The following PGBD5 variants were observed in gnomAD, a reference collection of about 807,000 sequenced individuals.
PGBD5 encodes the protein piggyBac transposable element derived 5.
Under a neutral mutation model 47.9 loss-of-function variants are expected in PGBD5, and 14 were observed. The ratio of observed to expected loss-of-function variants is 0.29; its 90% CI spans 0.19 to 0.46. The LOEUF (loss-of-function observed/expected upper bound fraction) is 0.46. Among genes scored for constraint, PGBD5 ranks in the 20% least tolerant of loss-of-function variants. The pLI is 1.00. For synonymous variants in PGBD5, 316 were observed against 306.3 expected (o/e 1.03, Z -0.33); for missense variants, 635 against 716.0 (o/e 0.89, Z 1.29).
intron 1 of PGBD5, among the ~76,000 whole-genome samples, chr1:230,417,754 C>T (rs1215926344): frequency 2.0e-5 from 3 of 152,230 alleles, no homozygotes; most frequent in African/African-American, 7.2e-5. Context: ...ACAGCATTCA[C>T]CAGAGACACT....
At chr1:230,414,522 T>C (rs146692080) in intron 1 of PGBD5, among the ~76,000 whole-genome samples, 44 of 152,344 alleles carry the variant, frequency 2.9e-4, no homozygotes, top group African/African-American at 1.0e-3. Context: ...ACCCTTGCTA[T>C]TATTTACCTG....
intron 1 of PGBD5, chr1:230,367,859 A>G: frequency 7.9e-7 from 1 of 1,262,120 alleles, no homozygotes. Flanking sequence ...CATTCTCGCA[A>G]CAGCCAAGCA....
intron 1 of PGBD5, among the ~76,000 whole-genome samples, chr1:230,408,737 C>T (rs1342738520): frequency 2.6e-5 from 4 of 152,044 alleles, no homozygotes; most frequent in Non-Finnish European, 5.9e-5. Flanking sequence ...TAAATGCAAG[C>T]ATAAAATGAT....
intron 2 of PGBD5, among the ~76,000 whole-genome samples, chr1:230,353,277 T>A (rs1326460910): frequency 6.6e-6 from 1 of 152,174 alleles, no homozygotes; most frequent in Non-Finnish European, 1.5e-5. Context: ...TGAGCTCGTT[T>A]TGAGGTGTGG....
intron 1 of PGBD5, among the ~76,000 whole-genome samples, chr1:230,410,507 T>A (rs985009388): frequency 2.4e-4 from 37 of 152,116 alleles, no homozygotes; most frequent in African/African-American, 8.9e-4. Flanking sequence ...CACAATCCAA[T>A]AAAATGAGGA....
chr1:230,345,440 A>G (rs540219097), intron 3 of PGBD5, among the ~76,000 whole-genome samples: 3 of 152,210 alleles, frequency 2.0e-5, no homozygotes, highest in Non-Finnish European at 4.4e-5. Flanking sequence ...GAGCCTGCAG[A>G]TGAGGGGAGA....
chr1:230,402,990 C>G (rs1053045437), intron 1 of PGBD5, among the ~76,000 whole-genome samples: 1 of 152,122 alleles, frequency 6.6e-6, no homozygotes, highest in African/African-American at 2.4e-5. Flanking sequence ...CTTTGTGAAC[C>G]GCACATCACT....
At chr1:230,378,876 A>G (rs1668052503) in intron 1 of PGBD5, among the ~76,000 whole-genome samples, 1 of 152,174 alleles carries the variant, frequency 6.6e-6, no homozygotes, top group East Asian at 1.9e-4. Flanking sequence ...AAAGACACTG[A>G]TGAGTCAACC....
chr1:230,315,964 G>GTGTATATA lies in PGBD5; in HGVS notation c.*7460_*7461insTATATACA, dbSNP rs1558186580. On this transcript the variant is annotated 3_prime_UTR_variant, in exon 7 of 7. Transcript: ENST00000391860. Reference sequence around the variant, plus strand: ...TATGTGTATACATACATAAGTATATGTGTACACATATATGTATGTGTATAC... The same window carrying GTGTATATA: ...TATGTGTATACATACATAAGTATATGTGTATATATGTACACATATATGTATGTGTATAC... 26 of 132,840 alleles carry GTGTATATA rather than the reference G, an allele frequency of 2.0e-4. 1 individual carries two copies. Among genetic ancestry groups the GTGTATATA allele is most frequent in the Admixed American group, 3.9e-4 (5 of 12,970 alleles). The allele number at this position is 132,840 out of a possible 1,614,324, so 8.2% of individuals were successfully genotyped here.
At chr1:230,325,763 G>A (rs1376203106) in intron 5 of PGBD5, among the ~76,000 whole-genome samples, 1 of 152,090 alleles carries the variant, frequency 6.6e-6, no homozygotes, top group African/African-American at 2.4e-5. Context: ...TGAAAGCGGA[G>A]ACAGGGCTCA....
Position 230,359,970 on chromosome 1 carries a change from G to A in PGBD5, c.332-2649C>T, listed in dbSNP as rs563180771. ...GCCAGGATGAATGAGGGCCGATTCC[G>A]CAGGTGTAGCCTGAAGCTCCACACC... is the stretch of plus-strand genomic sequence containing the variant. On this transcript the variant is annotated intron_variant, in intron 1 of 6. Coordinates refer to ENST00000391860, the MANE Select transcript of PGBD5 (RefSeq NM_001258311.2). Among the ~76,000 whole-genome samples, 14 of 152,274 alleles carry A rather than the reference G, an allele frequency of 9.2e-5. No individual in the cohort carries two copies. The South Asian group carries it at 1.2e-3, about 14-fold the overall frequency.
intron 1 of PGBD5, among the ~76,000 whole-genome samples, chr1:230,420,834 G>A (rs1657629937): frequency 6.6e-6 from 1 of 152,068 alleles, no homozygotes. Flanking sequence ...TTTCTAAAAT[G>A]AATATATGTA....
intron 4 of PGBD5, among the ~76,000 whole-genome samples, chr1:230,335,188 T>TACAGACAC (rs1325860159): frequency 4.9e-5 from 2 of 40,588 alleles, no homozygotes; most frequent in African/African-American, 2.3e-4. Flanking sequence ...CACACAGACT[T>TACAGACAC]ACAGACACAC....
chr1:230,424,038 A>T (rs899180772), intron 1 of PGBD5, among the ~76,000 whole-genome samples: 3 of 152,232 alleles, frequency 2.0e-5, no homozygotes, highest in African/African-American at 7.2e-5. Flanking sequence ...ATTCTTTTTC[A>T]TAACTAGGCT....
In PGBD5 at chr1:230,404,993, T is replaced by TA. The variant is rs1182631142; in HGVS notation, c.331+20604dup. Among the ~76,000 whole-genome samples the TA allele has an allele frequency of 4.1e-3, 606 of 146,732 alleles. 6 individuals carry two copies. The highest frequency in any genetic ancestry group is 4.8e-3 in the Non-Finnish European group (319 of 67,048). On this transcript the variant is annotated intron_variant, in intron 1 of 6. Coordinates refer to ENST00000391860, the MANE Select transcript of PGBD5 (RefSeq NM_001258311.2). ...AGCTATCAAGTTTTTTTTTTTTTTT[T>TA]AAAAAGATATATGAAGAGGTGAAAC...
At chr1:230,372,266 T>G (rs919284088) in intron 1 of PGBD5, among the ~76,000 whole-genome samples, 4 of 152,226 alleles carry the variant, frequency 2.6e-5, no homozygotes, top group African/African-American at 9.6e-5. Flanking sequence ...TGAGCCTGTT[T>G]ACAGAGCAGT....
chr1:230,333,851 T>C (rs993632895), intron 4 of PGBD5, among the ~76,000 whole-genome samples: 1 of 152,162 alleles, frequency 6.6e-6, no homozygotes. Context: ...CACCGCGGAC[T>C]TGCTCACTTC....
intron 1 of PGBD5, among the ~76,000 whole-genome samples, chr1:230,362,788 C>T (rs1041742386): frequency 6.6e-6 from 1 of 152,108 alleles, no homozygotes; most frequent in South Asian, 2.1e-4. Flanking sequence ...AGGCCTTGGC[C>T]CACCCAAGGG....
chr1:230,332,979 TG>T lies in PGBD5; in HGVS notation c.1137del (p.Met380CysfsTer2). ...GGGGGTGTGGCTGGGTTGGTCAGCA[TG>T]GACAGTGGGAGGCCGGTGCAGTCAC... ...RKSDCTGLPL[S>X]MLTNPATPPA... On this transcript the variant is annotated frameshift_variant, in exon 5 of 7. Transcript: ENST00000391860. LOFTEE classifies it high-confidence loss of function. 6.2e-7 allele frequency: 1 copy of T among 1,613,820 alleles called. No homozygotes were observed. The highest frequency in any genetic ancestry group is 8.5e-7 in the Non-Finnish European group (1 of 1,179,804).
Sources: allele counts gnomAD v4.1 joint callset (sites outside exome capture counted in the v4.1 genomes callset), GRCh38; gene constraint gnomAD v4.1.1; transcripts MANE v1.5; gene names NCBI Gene and HGNC (gene_info 2026-07-23, HGNC 2026-07-21).